B3GALT1: variants seen among roughly 807,000 people sequenced by gnomAD.
B3GALT1 encodes the protein beta-1,3-galactosyltransferase 1.
A neutral mutation model predicts 23.2 loss-of-function variants in B3GALT1; 10 were observed. The ratio of observed to expected loss-of-function variants is 0.43; its 90% CI spans 0.27 to 0.73. The LOEUF (loss-of-function observed/expected upper bound fraction) is 0.73, where lower values mean the gene tolerates loss of function less well. B3GALT1 is among the 30% of genes least tolerant of loss of function. The pLI is 0.21. For synonymous variants in B3GALT1, 156 were observed against 141.5 expected, an observed-to-expected ratio of 1.10 and a Z score of -0.73; for missense variants, 299 against 405.4, an observed-to-expected ratio of 0.74 and a Z score of 2.25.
chr2:167,852,027 C>A (rs1689912486), intron 4 of B3GALT1, among the ~76,000 whole-genome samples: 1 of 152,172 alleles, frequency 6.6e-6, no homozygotes. Context: ...ACCAACTTAC[C>A]AATAGCTCTG....
chr2:167,427,956 G>A (rs1471592325), intron 1 of B3GALT1, among the ~76,000 whole-genome samples: 2 of 152,142 alleles, frequency 1.3e-5, no homozygotes, highest in East Asian at 3.9e-4. Flanking sequence ...ATATTTGCAA[G>A]CTATTCCTTT....
intron 3 of B3GALT1, among the ~76,000 whole-genome samples, chr2:167,687,913 C>T (rs548561685): frequency 4.3e-4 from 66 of 151,978 alleles, no homozygotes; most frequent in African/African-American, 1.4e-3. Flanking sequence ...TTTAAGGTAC[C>T]GAGAGTCAAA....
At chr2:167,749,397 T>TATAG (rs1445018915) in intron 3 of B3GALT1, among the ~76,000 whole-genome samples, 1 of 152,150 alleles carries the variant, frequency 6.6e-6, no homozygotes, top group Non-Finnish European at 1.5e-5. Context: ...CACCTCTCAA[T>TATAG]ATAGACCCAT....
chr2:167,396,950 AATT>A (rs1485928973), intron 1 of B3GALT1, among the ~76,000 whole-genome samples: 1 of 152,106 alleles, frequency 6.6e-6, no homozygotes, highest in Non-Finnish European at 1.5e-5. Context: ...GTATTACTAC[AATT>A]ATTTAAGAGA....
intron 3 of B3GALT1, among the ~76,000 whole-genome samples, chr2:167,801,885 G>A (rs1168487730): frequency 6.6e-6 from 1 of 152,166 alleles, no homozygotes; most frequent in Non-Finnish European, 1.5e-5. Flanking sequence ...GGCATTAAAT[G>A]TCACATGATT....
At chr2:167,692,061 G>A (rs1295107814) in intron 3 of B3GALT1, among the ~76,000 whole-genome samples, 1 of 152,064 alleles carries the variant, frequency 6.6e-6, no homozygotes, top group African/African-American at 2.4e-5. Flanking sequence ...CTGCTCATTA[G>A]GCTAATTAGT....
chr2:167,677,598 C>G (rs1281114397), intron 3 of B3GALT1, among the ~76,000 whole-genome samples: 1 of 152,192 alleles, frequency 6.6e-6, no homozygotes, highest in Non-Finnish European at 1.5e-5. Flanking sequence ...TATAGACACC[C>G]TCACACTGTA....
intron 3 of B3GALT1, among the ~76,000 whole-genome samples, chr2:167,684,651 A>G (rs547467870): frequency 2.6e-5 from 4 of 152,234 alleles, no homozygotes; most frequent in Non-Finnish European, 5.9e-5. Context: ...TTTTATGGTG[A>G]TATTTTGTAA....
intron 1 of B3GALT1, among the ~76,000 whole-genome samples, chr2:167,463,018 T>G (rs1289814105): frequency 1.3e-5 from 2 of 152,150 alleles, no homozygotes; most frequent in Non-Finnish European, 2.9e-5. Flanking sequence ...TTAATGAAAT[T>G]TGGTTTCTAC....
At chr2:167,840,115 A>G (rs1401704343) in intron 4 of B3GALT1, among the ~76,000 whole-genome samples, 1 of 152,228 alleles carries the variant, frequency 6.6e-6, no homozygotes, top group African/African-American at 2.4e-5. Flanking sequence ...GGACATAGGC[A>G]GGGGCAAGGA....
intron 1 of B3GALT1, among the ~76,000 whole-genome samples, chr2:167,399,535 A>G (rs562458022): frequency 1.1e-4 from 16 of 152,074 alleles, no homozygotes; most frequent in Non-Finnish European, 2.4e-4. Context: ...ATGACATGTT[A>G]TAATTTAGCA....
rs185926017 is a variant in B3GALT1 at position 167,679,988 on chromosome 2, T to C, written c.-352+33022T>C. On this transcript the variant is annotated intron_variant, in intron 3 of 4. Coordinates refer to ENST00000392690, the MANE Select transcript of B3GALT1 (RefSeq NM_020981.4). Reference sequence around the variant, plus strand: ...GTTATCTGATATTGGTCTTTCCAGTTCATAAACATGGGTTTTTTCTACTTA... The same window carrying C: ...GTTATCTGATATTGGTCTTTCCAGTCCATAAACATGGGTTTTTTCTACTTA... Among the ~76,000 whole-genome samples, 1,106 of 152,338 alleles carry C rather than the reference T, an allele frequency of 7.3e-3. 9 individuals are homozygous for C. Among genetic ancestry groups the C allele is most frequent in the Non-Finnish European group, 0.011 (721 of 68,028 alleles).
At chr2:167,720,076 T>C (rs1313446280) in intron 3 of B3GALT1, among the ~76,000 whole-genome samples, 4 of 152,208 alleles carry the variant, frequency 2.6e-5, no homozygotes, top group African/African-American at 9.6e-5. Context: ...CTTTACATCA[T>C]ATGTTGTGAT....
chr2:167,423,309 G>A (rs956659774), intron 1 of B3GALT1, among the ~76,000 whole-genome samples: 2 of 152,164 alleles, frequency 1.3e-5, no homozygotes, highest in Admixed American at 6.5e-5. Flanking sequence ...TTTTCAGCTG[G>A]ATGAGTCATT....
intron 1 of B3GALT1, among the ~76,000 whole-genome samples, chr2:167,318,983 G>A (rs1380247788): frequency 6.6e-6 from 1 of 152,146 alleles, no homozygotes; most frequent in Admixed American, 6.5e-5. Context: ...TCTCAGAGGA[G>A]CTCCAGCCAC....
Position 167,434,523 on chromosome 2 carries a change from TAA to T in B3GALT1, c.-510-55638_-510-55637del, listed in dbSNP as rs35876291. On this transcript the variant is annotated intron_variant, in intron 1 of 4. Coordinates refer to ENST00000392690, the MANE Select transcript of B3GALT1 (RefSeq NM_020981.4). ...ATCTCTCTAAAATGTAAGTACTCTG[TAA>T]AAAAAAAAAAAAAAACCCACATAAC... 8.9e-3 allele frequency among the ~76,000 whole-genome samples: 1,193 copies of T among 134,180 alleles called. 10 individuals are homozygous for T. Among genetic ancestry groups the T allele is most frequent in the African/African-American group, 0.023 (822 of 36,296 alleles). 88.0% of individuals were successfully genotyped at this position (134,180 alleles called of 152,430 possible).
chr2:167,686,999 A>G (rs10930278), intron 3 of B3GALT1, among the ~76,000 whole-genome samples: 34,195 of 152,156 alleles, frequency 0.22, 4,572 homozygotes, highest in Admixed American at 0.3. Flanking sequence ...TTGTCATACA[A>G]TACTTTTCAA....
chr2:167,467,434 A>G (rs1048528457), intron 1 of B3GALT1, among the ~76,000 whole-genome samples: 1 of 152,200 alleles, frequency 6.6e-6, no homozygotes, highest in African/African-American at 2.4e-5. Context: ...CAAGATTTTT[A>G]GAAGAAGGCT....
At chr2:167,452,878 C>A (rs1443535192) in intron 1 of B3GALT1, among the ~76,000 whole-genome samples, 1 of 152,126 alleles carries the variant, frequency 6.6e-6, no homozygotes, top group Non-Finnish European at 1.5e-5. Flanking sequence ...ATGAGAGTCA[C>A]CTGTAGAGTG....
Sources: allele counts gnomAD v4.1 joint callset (sites outside exome capture counted in the v4.1 genomes callset), GRCh38; gene constraint gnomAD v4.1.1; transcripts MANE v1.5; gene names NCBI Gene and HGNC (gene_info 2026-07-23, HGNC 2026-07-21).